The following DACH2 variants were observed in gnomAD, a reference collection of about 807,000 sequenced individuals.
DACH2 encodes the protein dachshund homolog 2.
Under a neutral mutation model 35.8 loss-of-function variants are expected in DACH2, and 17 were observed. The observed-to-expected ratio is 0.48, with a 90% CI of 0.33 to 0.71. The LOEUF is 0.71. Ranked by LOEUF, DACH2 falls within the 30% of genes least tolerant of loss-of-function variation. The pLI is 0.02. For synonymous variants in DACH2, 195 were observed against 177.3 expected, an observed-to-expected ratio of 1.10 and a Z score of -0.79; for missense variants, 469 against 472.7, an observed-to-expected ratio of 0.99 and a Z score of 0.07.
intron 7 of DACH2, among the ~76,000 whole-genome samples, chrX:86,784,186 A>C (rs977392589): frequency 9.0e-6 from 1 of 110,941 alleles, no homozygotes; most frequent in East Asian, 2.8e-4. Context: ...AAGTAAACAG[A>C]CAGCCTACAT....
chrX:86,704,417 A>G (rs1315798313), intron 5 of DACH2, among the ~76,000 whole-genome samples: 1 of 111,492 alleles, frequency 9.0e-6, no homozygotes, highest in African/African-American at 3.3e-5. Context: ...CCGAAAAAGC[A>G]AATGTAATAA....
At chrX:86,610,572 G>A (rs1039966484) in intron 3 of DACH2, among the ~76,000 whole-genome samples, 1 of 108,689 alleles carries the variant, frequency 9.2e-6, no homozygotes, top group Admixed American at 1.0e-4. Flanking sequence ...GAGTAGCTGG[G>A]ACTACAGGTT....
At chrX:86,262,641 C>CAAAA (rs34823649) in intron 1 of DACH2, among the ~76,000 whole-genome samples, 3,843 of 102,407 alleles carry the variant, frequency 0.038, 196 homozygotes, top group African/African-American at 0.12. Context: ...TAATCTGCTC[C>CAAAA]AAAAAAAAAA....
At chrX:86,633,991 C>T (rs1209922638) in intron 3 of DACH2, among the ~76,000 whole-genome samples, 1 of 112,038 alleles carries the variant, frequency 8.9e-6, no homozygotes, top group African/African-American at 3.2e-5. Context: ...GTTTAATTGA[C>T]TCACAGTTAA....
intron 7 of DACH2, among the ~76,000 whole-genome samples, chrX:86,751,550 C>A (rs1176259443): frequency 9.0e-6 from 1 of 111,146 alleles, no homozygotes; most frequent in Non-Finnish European, 1.9e-5. Flanking sequence ...ATGCTTTCAA[C>A]ATTAGGTCAA....
chrX:86,166,333 T>C (rs889699884), intron 1 of DACH2, among the ~76,000 whole-genome samples: 1 of 111,462 alleles, frequency 9.0e-6, no homozygotes, highest in Non-Finnish European at 1.9e-5. Context: ...TGTGGTTCCA[T>C]ATAAGTTTTA....
intron 1 of DACH2, among the ~76,000 whole-genome samples, chrX:86,306,603 G>A (rs2034693943): frequency 9.0e-6 from 1 of 111,564 alleles, no homozygotes; most frequent in Admixed American, 9.5e-5. Flanking sequence ...ACATGAAAAG[G>A]CAAGACGACC....
chrX:86,197,933 T>G (rs2032037557), intron 1 of DACH2, among the ~76,000 whole-genome samples: 1 of 111,931 alleles, frequency 8.9e-6, no homozygotes, highest in Non-Finnish European at 1.9e-5. Context: ...TCTACAGAAC[T>G]CACCACCCAA....
At chrX:86,624,060 C>CAAAAAAAAAAAA (rs34140706) in intron 3 of DACH2, among the ~76,000 whole-genome samples, 24 of 36,048 alleles carry the variant, frequency 6.7e-4, no homozygotes, top group Admixed American at 1.5e-3. Flanking sequence ...AAAAACAAAA[C>CAAAAAAAAAAAA]AAAAAAAAAA....
intron 7 of DACH2, among the ~76,000 whole-genome samples, chrX:86,748,863 C>T (rs1602892624): frequency 9.0e-6 from 1 of 111,354 alleles, no homozygotes; most frequent in South Asian, 3.7e-4. Flanking sequence ...ACACTGAAAC[C>T]TATTATTTAG....
At position 86,282,776 on chromosome X, in the gene DACH2, T is replaced by TAAAAGAAGACA. The variant is rs1569328392; in HGVS notation, c.489-94048_489-94047insAAAAGAAGACA. ...GCAAATGCTATGAACAGACACTTCT[T>TAAAAGAAGACA]TTTTTTTTTTTTTTTTTTTGAGACG... On this transcript the variant is annotated intron_variant, in intron 1 of 11. Coordinates refer to ENST00000373125, the MANE Select transcript of DACH2 (RefSeq NM_053281.3). Among the ~76,000 whole-genome samples the TAAAAGAAGACA allele has an allele frequency of 4.4e-3, 193 of 44,119 alleles. 2 individuals are homozygous for TAAAAGAAGACA. The highest frequency in any genetic ancestry group is 6.9e-3 in the Admixed American group (21 of 3,049). 38.3% of individuals were successfully genotyped at this position (44,119 alleles called of 115,157 possible). A position where few individuals can be genotyped will look rare whatever the true frequency, so the allele number is the denominator to read the frequency against.
intron 2 of DACH2, among the ~76,000 whole-genome samples, chrX:86,377,460 T>C (rs1273640309): frequency 2.7e-5 from 3 of 111,082 alleles, no homozygotes; most frequent in African/African-American, 9.8e-5. Context: ...AAAATATCTA[T>C]GAAAATCTTA....
chrX:86,252,636 G>A (rs138092196), intron 1 of DACH2, among the ~76,000 whole-genome samples: 190 of 110,969 alleles, frequency 1.7e-3, no homozygotes, highest in African/African-American at 5.7e-3. Flanking sequence ...TTGCTCTGTC[G>A]AAGATCAGTT....
intron 7 of DACH2, among the ~76,000 whole-genome samples, chrX:86,772,708 T>C (rs1468099592): frequency 9.0e-6 from 1 of 111,196 alleles, no homozygotes; most frequent in Non-Finnish European, 1.9e-5. Flanking sequence ...TTGCCAGAAA[T>C]ATGACAGGGT....
At chrX:86,449,393 G>T (rs1269489601) in intron 2 of DACH2, among the ~76,000 whole-genome samples, 4 of 108,105 alleles carry the variant, frequency 3.7e-5, no homozygotes, top group Admixed American at 2.0e-4. Flanking sequence ...TGATGTTAGG[G>T]TGTCAATTTT....
chrX:86,646,872 T>A (rs1279102606), intron 3 of DACH2, among the ~76,000 whole-genome samples: 1 of 109,049 alleles, frequency 9.2e-6, no homozygotes, highest in Non-Finnish European at 1.9e-5. Context: ...CTGAAAATAT[T>A]TTTTTTCTTG....
In DACH2 at chrX:86,496,934, T is replaced by C. The variant is rs1229829055; in HGVS notation, c.528-17345T>C. ...AAGCTTTCTTATCAGCTTACCTAGA[T>C]GTGGGACACAAGAGGAGGAAGGAAG... On this transcript the variant is annotated intron_variant, in intron 2 of 11. Transcript: ENST00000373125. Among the ~76,000 whole-genome samples the C allele has an allele frequency of 2.7e-5, 3 of 111,888 alleles. No individual in the cohort carries two copies. The East Asian group carries it at 8.5e-4, about 32-fold the overall frequency.
chrX:86,349,478 G>A (rs1467709519), intron 1 of DACH2, among the ~76,000 whole-genome samples: 1 of 112,090 alleles, frequency 8.9e-6, no homozygotes, highest in East Asian at 2.8e-4. Context: ...TGCGAAAACA[G>A]GAGTGCCTGT....
At chrX:86,679,204 G>T (rs777315376) in intron 4 of DACH2, among the ~76,000 whole-genome samples, 12 of 111,857 alleles carry the variant, frequency 1.1e-4, no homozygotes, top group Non-Finnish European at 2.1e-4. Context: ...AATCAACTTT[G>T]GAAGGTAATA....
Sources: allele counts gnomAD v4.1 joint callset (sites outside exome capture counted in the v4.1 genomes callset), GRCh38; gene constraint gnomAD v4.1.1; transcripts MANE v1.5; gene names NCBI Gene and HGNC (gene_info 2026-07-23, HGNC 2026-07-21).